Variants in PABIR3 observed in about 807,000 individuals in gnomAD.
PABIR3 encodes the protein PABIR family member 1.
A neutral mutation model predicts 23.1 loss-of-function variants in PABIR3; 20 were observed. The observed-to-expected ratio is 0.86, with a 90% CI of 0.61 to 1.26. The LOEUF (loss-of-function observed/expected upper bound fraction) is 1.26. Ranked by LOEUF, PABIR3 falls within the 50% of genes most tolerant of loss-of-function variation. The probability of loss-of-function intolerance (pLI) is 0.00; values close to 1 mark genes in which losing one functional copy is unlikely to be tolerated. For missense variants in PABIR3, 189 were observed against 195.4 expected (o/e 0.97, Z 0.20); for synonymous variants, 69 against 68.5 (o/e 1.01, Z -0.04).
chrX:134,844,455 A>G (rs1392577101), intron 4 of PABIR3, among the ~76,000 whole-genome samples: 1 of 110,380 alleles, frequency 9.1e-6, no homozygotes, highest in Admixed American at 9.8e-5. Context: ...CATTGTCCCA[A>G]TCCATGAACA....
At chrX:134,799,107 GT>G (rs1279975110) in intron 1 of PABIR3, among the ~76,000 whole-genome samples, 21 of 105,935 alleles carry the variant, frequency 2.0e-4, no homozygotes, top group Non-Finnish European at 2.6e-4. Context: ...AGCGTGAAAA[GT>G]TTTTTTTTTT....
chrX:134,829,144 G>T, intron 3 of PABIR3, 82 bp from the exon 4 acceptor site: 1 of 786,223 alleles, frequency 1.3e-6, no homozygotes, highest in South Asian at 2.3e-5. Context: ...AATATTTTAG[G>T]TAATTCAACA....
intron 2 of PABIR3, among the ~76,000 whole-genome samples, 199 bp downstream of exon 2, chrX:134,807,907 C>A (rs2080337186): frequency 9.0e-6 from 1 of 111,141 alleles, no homozygotes. Flanking sequence ...GCGCACCCAC[C>A]CTGAGGTTGA....
intron 3 of PABIR3, among the ~76,000 whole-genome samples, chrX:134,818,816 G>GT (rs977081488): frequency 2.7e-5 from 3 of 110,410 alleles, no homozygotes; most frequent in Admixed American, 2.0e-4. Flanking sequence ...AAATATGTGG[G>GT]TTTTTTTAAA....
chrX:134,817,770 G>A (rs1471366634), intron 3 of PABIR3, among the ~76,000 whole-genome samples: 1 of 110,989 alleles, frequency 9.0e-6, no homozygotes, highest in African/African-American at 3.3e-5. Flanking sequence ...GTCATGTTAA[G>A]TATTTTGCAC....
chrX:134,847,837 C>T (rs1369146642), intron 7 of PABIR3, 46 bp from the exon 8 acceptor site: 11 of 1,060,311 alleles, frequency 1.0e-5, no homozygotes, highest in African/African-American at 5.6e-5. Context: ...ATCTGCTTTC[C>T]GAGAAAAGTG....
intron 10 of PABIR3, among the ~76,000 whole-genome samples, chrX:134,853,607 ATTTC>A (rs1427430417): frequency 4.6e-5 from 5 of 108,601 alleles, no homozygotes; most frequent in Non-Finnish European, 7.6e-5. Context: ...ACTGGAATAG[ATTTC>A]TTTCTTTTTT....
intron 2 of PABIR3, chrX:134,809,731 A>G: frequency 1.4e-6 from 1 of 709,778 alleles, no homozygotes; most frequent in Non-Finnish European, 1.7e-6. Context: ...CTCCAAAATG[A>G]CGTTTAGTGG....
intron 1 of PABIR3, chrX:134,797,337 C>T (rs951378216): frequency 8.8e-6 from 1 of 113,419 alleles, no homozygotes; most frequent in Non-Finnish European, 1.9e-5. Context: ...TGGCATTGGC[C>T]TGGGGACCCT....
intron 3 of PABIR3, among the ~76,000 whole-genome samples, chrX:134,828,047 C>CTCTCTCTCTATATATATATATATA (rs1466733144): frequency 2.0e-5 from 1 of 49,420 alleles, no homozygotes; most frequent in African/African-American, 8.2e-5. Context: ...CTCTCTCTCT[C>CTCTCTCTCTATATATATATATATA]TATATATATA....
At chrX:134,807,395 G>C in intron 1 of PABIR3, 54 bp downstream of exon 1, 1 of 999,884 alleles carries the variant, frequency 1.0e-6, no homozygotes. Context: ...AGGCGGTTCG[G>C]AGCCAGTTCT....
At chrX:134,816,157 C>T (rs1253650558) in intron 3 of PABIR3, among the ~76,000 whole-genome samples, 2 of 112,097 alleles carry the variant, frequency 1.8e-5, no homozygotes, top group Non-Finnish European at 3.8e-5. Flanking sequence ...TATCTGTATT[C>T]ATAAGAGATA....
chrX:134,804,250 G>C (rs1198838983), upstream of PABIR3: 1 of 1,143,749 alleles, frequency 8.7e-7, no homozygotes, highest in Admixed American at 2.6e-5. Flanking sequence ...CAGCTAGGTT[G>C]GTATAATAAT....
At chrX:134,841,201 A>AG (rs770136696) in intron 4 of PABIR3, among the ~76,000 whole-genome samples, 1 of 109,718 alleles carries the variant, frequency 9.1e-6, no homozygotes, top group Non-Finnish European at 1.9e-5. Flanking sequence ...GAGCTCAAGG[A>AG]TTCCTCCTGC....
intron 4 of PABIR3, among the ~76,000 whole-genome samples, chrX:134,836,204 C>A (rs752405988): frequency 9.0e-6 from 1 of 111,723 alleles, no homozygotes; most frequent in East Asian, 2.8e-4. Context: ...AAATCCTGGC[C>A]TCAAGTGGTA....
At chrX:134,829,306 A>G (rs1337566420) in intron 4 of PABIR3, 24 bp downstream of exon 4, 6 of 1,161,601 alleles carry the variant, frequency 5.2e-6, no homozygotes, top group Non-Finnish European at 7.0e-6. Context: ...CCAAACTGAC[A>G]GCTGTTCATT....
chrX:134,846,523 A>G (rs183950957), intron 6 of PABIR3, among the ~76,000 whole-genome samples: 1 of 112,240 alleles, frequency 8.9e-6, no homozygotes, highest in East Asian at 2.8e-4. Flanking sequence ...TAGTGACAAA[A>G]CAAGTACTGA....
upstream of PABIR3, chrX:134,796,441 C>A: frequency 6.4e-5 from 21 of 329,854 alleles, no homozygotes; most frequent in South Asian, 1.4e-4. Flanking sequence ...GAGAGGAGGA[C>A]GAAGAGGTAG....
At chrX:134,807,389 G>T in intron 1 of PABIR3, 48 bp downstream of exon 1, 1 of 990,361 alleles carries the variant, frequency 1.0e-6, no homozygotes, top group Non-Finnish European at 1.3e-6. Context: ...GGAGATAGGC[G>T]GTTCGGAGCC....
Sources: gnomAD v4.1 joint callset for allele counts (sites outside exome capture counted in the v4.1 genomes callset) on GRCh38, gnomAD v4.1.1 for gene constraint, MANE v1.5 for transcripts, NCBI Gene and HGNC (gene_info 2026-07-23, HGNC 2026-07-21) for gene names.